DPP10: variants seen among roughly 807,000 people sequenced by gnomAD.
The protein encoded by DPP10 is inactive dipeptidyl peptidase 10.
In DPP10, 33 loss-of-function variants were observed where a neutral mutation model predicts 120.9. The observed-to-expected ratio is 0.27, with a 90% CI of 0.21 to 0.37. The LOEUF (loss-of-function observed/expected upper bound fraction) is 0.37. Among genes scored for constraint, DPP10 ranks in the 10% least tolerant of loss-of-function variants. DPP10 has a pLI of 1.00. For missense variants in DPP10, 816 were observed against 942.8 expected (o/e 0.87, Z 1.76); for synonymous variants, 337 against 326.1 (o/e 1.03, Z -0.36).
intron 3 of DPP10, among the ~76,000 whole-genome samples, chr2:115,411,313 C>G (rs781664834): frequency 6.6e-6 from 1 of 151,570 alleles, no homozygotes. Context: ...GTCTGGGCAA[C>G]AGAGTGAGAC....
At chr2:115,641,605 CTA>C (rs1232041492) in intron 5 of DPP10, among the ~76,000 whole-genome samples, 1 of 152,084 alleles carries the variant, frequency 6.6e-6, no homozygotes, top group South Asian at 2.1e-4. Flanking sequence ...TTATGAGTCT[CTA>C]TGTGTATTAT....
At chr2:115,585,495 A>C (rs1020652928) in intron 5 of DPP10, among the ~76,000 whole-genome samples, 1 of 152,266 alleles carries the variant, frequency 6.6e-6, no homozygotes, top group East Asian at 1.9e-4. Context: ...AGTTTCTTAA[A>C]TGTGATGTCA....
At chr2:115,429,921 C>T (rs1333342706) in intron 3 of DPP10, among the ~76,000 whole-genome samples, 2 of 152,104 alleles carry the variant, frequency 1.3e-5, no homozygotes, top group Non-Finnish European at 1.5e-5. Context: ...TATGAGCAAC[C>T]TGGAGCGTGT....
At chr2:115,251,482 G>A (rs189396169) in intron 1 of DPP10, among the ~76,000 whole-genome samples, 4 of 152,046 alleles carry the variant, frequency 2.6e-5, no homozygotes, top group African/African-American at 9.6e-5. Flanking sequence ...CTTTTACTGC[G>A]ACAAAAAATC....
chr2:115,475,555 G>A (rs149568488), intron 3 of DPP10, among the ~76,000 whole-genome samples: 1 of 152,320 alleles, frequency 6.6e-6, no homozygotes, highest in African/African-American at 2.4e-5. Context: ...ATCCCCAGTG[G>A]AGGACTGTCT....
At chr2:114,640,214 G>C (rs1315254806) in intron 1 of DPP10, among the ~76,000 whole-genome samples, 1 of 151,866 alleles carries the variant, frequency 6.6e-6, no homozygotes, top group Admixed American at 6.5e-5. Context: ...TAACTAGAGG[G>C]ATTCAGATGG....
At chr2:115,286,495 T>TTAC (rs2060385415) in intron 1 of DPP10, among the ~76,000 whole-genome samples, 1 of 77,638 alleles carries the variant, frequency 1.3e-5, no homozygotes, top group Non-Finnish European at 2.6e-5. Context: ...ATATATAATA[T>TTAC]ATATATATTA....
chr2:115,592,499 G>A (rs1402795069), intron 5 of DPP10, among the ~76,000 whole-genome samples: 1 of 151,896 alleles, frequency 6.6e-6, no homozygotes, highest in African/African-American at 2.4e-5. Flanking sequence ...GGAGGCCAAG[G>A]CCTAGCACTT....
chr2:114,838,247 A>G (rs1481117391), intron 1 of DPP10, among the ~76,000 whole-genome samples: 1 of 152,238 alleles, frequency 6.6e-6, no homozygotes, highest in African/African-American at 2.4e-5. Context: ...GAGAACTAAT[A>G]GCATATGCCA....
chr2:115,634,364 G>T (rs955325426), intron 5 of DPP10, among the ~76,000 whole-genome samples: 9 of 152,152 alleles, frequency 5.9e-5, no homozygotes, highest in Middle Eastern at 3.2e-3. Flanking sequence ...CACAGAAGCT[G>T]CTGACCTTTG....
chr2:115,737,096 C>A (rs1046126377), intron 8 of DPP10, among the ~76,000 whole-genome samples: 5 of 152,096 alleles, frequency 3.3e-5, no homozygotes, highest in South Asian at 2.1e-4. Flanking sequence ...TAGTATGGAG[C>A]CTACCCAATT....
intron 1 of DPP10, among the ~76,000 whole-genome samples, chr2:114,991,217 A>G (rs577818477): frequency 5.9e-5 from 9 of 152,316 alleles, no homozygotes; most frequent in African/African-American, 2.2e-4. Context: ...AGCAACAGTT[A>G]CAGCCCTAGC....
intron 1 of DPP10, among the ~76,000 whole-genome samples, chr2:114,769,442 C>T (rs1405434435): frequency 6.6e-6 from 1 of 152,142 alleles, no homozygotes; most frequent in East Asian, 1.9e-4. Context: ...ATCCTCGATA[C>T]AGGGAAGCTA....
In DPP10 at chr2:114,937,799, G is replaced by A. The variant is rs28408949; in HGVS notation, c.61-371440G>A. On this transcript the variant is annotated intron_variant, in intron 1 of 25. Transcript: ENST00000410059. Reference sequence around the variant, plus strand: ...GTCGGGCCTGGCTAGTACTTGGATGGGAGACCTCTGCCATATTTTCTAAAA... The same window carrying A: ...GTCGGGCCTGGCTAGTACTTGGATGAGAGACCTCTGCCATATTTTCTAAAA... Among the ~76,000 whole-genome samples, 616 of 152,186 alleles carry A rather than the reference G, an allele frequency of 4.0e-3. 1 individual carries two copies. The highest frequency in any genetic ancestry group is 0.014 in the African/African-American group (602 of 41,522).
At chr2:114,444,465 A>G (rs1677829288) in intron 1 of DPP10, among the ~76,000 whole-genome samples, 1 of 152,176 alleles carries the variant, frequency 6.6e-6, no homozygotes, top group South Asian at 2.1e-4. Flanking sequence ...TCAAGCATTT[A>G]TTTTCCCTTT....
intron 1 of DPP10, among the ~76,000 whole-genome samples, chr2:114,846,711 T>C (rs959807871): frequency 6.6e-6 from 1 of 152,128 alleles, no homozygotes; most frequent in African/African-American, 2.4e-5. Flanking sequence ...TCATCCACCA[T>C]CACATTCTCT....
At chr2:115,622,510 C>CTTTTTTTTTTTTTTTTTTTATTTTTTTT (rs2085028904) in intron 5 of DPP10, among the ~76,000 whole-genome samples, 1 of 117,448 alleles carries the variant, frequency 8.5e-6, no homozygotes, top group Non-Finnish European at 1.7e-5. Context: ...ATTTTATTGT[C>CTTTTTTTTTTTTTTTTTTTATTTTTTTT]TTTTTTTTTT....
chr2:114,901,943 G>A (rs1693608241), intron 1 of DPP10, among the ~76,000 whole-genome samples: 1 of 152,172 alleles, frequency 6.6e-6, no homozygotes, highest in African/African-American at 2.4e-5. Context: ...AAAGATTATG[G>A]CAACAGCTTT....
chr2:115,377,441 TC>T (rs1355094075), intron 3 of DPP10, among the ~76,000 whole-genome samples: 3 of 152,236 alleles, frequency 2.0e-5, no homozygotes, highest in African/African-American at 7.2e-5. Context: ...CATTGTACAT[TC>T]TGGATATTAA....
Sources: allele counts gnomAD v4.1 joint callset (sites outside exome capture counted in the v4.1 genomes callset), GRCh38; gene constraint gnomAD v4.1.1; transcripts MANE v1.5; gene names NCBI Gene and HGNC (gene_info 2026-07-23, HGNC 2026-07-21).